ATRNL1: variants seen among roughly 807,000 people sequenced by gnomAD.
The protein encoded by ATRNL1 is attractin like 1.
Under a neutral mutation model 182.7 loss-of-function variants are expected in ATRNL1, and 95 were observed. That is an observed-to-expected ratio of 0.52 (90% CI 0.44 to 0.62). ATRNL1 has a LOEUF of 0.62. Among genes scored for constraint, ATRNL1 ranks in the 20% least tolerant of loss-of-function variants. ATRNL1 has a pLI of 0.00. For synonymous variants in ATRNL1, 576 were observed against 568.3 expected, an observed-to-expected ratio of 1.01 and a Z score of -0.19; for missense variants, 1,471 against 1,679.5, an observed-to-expected ratio of 0.88 and a Z score of 2.17.
intron 15 of ATRNL1, among the ~76,000 whole-genome samples, chr10:115,288,393 T>A (rs1169625424): frequency 1.3e-5 from 2 of 152,196 alleles, no homozygotes; most frequent in Non-Finnish European, 2.9e-5. Context: ...CAGTATTTTT[T>A]GACTTTTTGA....
chr10:115,309,903 G>A (rs1424494170), intron 17 of ATRNL1, among the ~76,000 whole-genome samples: 3 of 152,148 alleles, frequency 2.0e-5, no homozygotes, highest in Non-Finnish European at 2.9e-5. Flanking sequence ...TAGAAGTGAC[G>A]AAAGTGGGCC....
At chr10:115,203,898 A>C (rs1848699659) in intron 8 of ATRNL1, among the ~76,000 whole-genome samples, 1 of 151,692 alleles carries the variant, frequency 6.6e-6, no homozygotes, top group Non-Finnish European at 1.5e-5. Flanking sequence ...CACCTGGCCT[A>C]GATTGGGTCA....
intron 19 of ATRNL1, among the ~76,000 whole-genome samples, chr10:115,367,604 A>G (rs1244862620): frequency 6.6e-6 from 1 of 151,638 alleles, no homozygotes; most frequent in Non-Finnish European, 1.5e-5. Context: ...TCTGCCTTTT[A>G]GAGTTTCCAG....
intron 27 of ATRNL1, among the ~76,000 whole-genome samples, chr10:115,792,422 A>T (rs1555081960): frequency 6.6e-6 from 1 of 152,090 alleles, no homozygotes; most frequent in African/African-American, 2.4e-5. Flanking sequence ...GAATTCTTAG[A>T]TTGGGCAATC....
At chr10:115,820,503 CTT>C (rs1950267286) in intron 27 of ATRNL1, 1 of 152,090 alleles carries the variant, frequency 6.6e-6, no homozygotes, top group African/African-American at 2.4e-5. Flanking sequence ...TATGTCAAGA[CTT>C]TGGATATTCG....
intron 17 of ATRNL1, among the ~76,000 whole-genome samples, chr10:115,306,222 T>A (rs980226668): frequency 2.6e-5 from 4 of 152,184 alleles, no homozygotes; most frequent in Admixed American, 2.6e-4. Context: ...TTCTTTCAAA[T>A]AAATTGTGAC....
chr10:115,419,048 C>T (rs782431689), intron 20 of ATRNL1, among the ~76,000 whole-genome samples: 10 of 151,742 alleles, frequency 6.6e-5, no homozygotes, highest in Admixed American at 1.3e-4. Context: ...AAAGAATGAA[C>T]GACAAAACTA....
chr10:115,094,489 C>A (rs2084963287), intron 1 of ATRNL1, among the ~76,000 whole-genome samples: 1 of 152,218 alleles, frequency 6.6e-6, no homozygotes, highest in Non-Finnish European at 1.5e-5. Context: ...GTGCCTCTCT[C>A]TTTCCCCATT....
chr10:115,149,623 G>T (rs1327471709), intron 5 of ATRNL1, among the ~76,000 whole-genome samples: 1 of 152,048 alleles, frequency 6.6e-6, no homozygotes, highest in South Asian at 2.1e-4. Flanking sequence ...TCATGTTGCT[G>T]ATATGATAGA....
chr10:115,799,395 G>A (rs531807970), intron 27 of ATRNL1, among the ~76,000 whole-genome samples: 7 of 152,170 alleles, frequency 4.6e-5, no homozygotes, highest in Non-Finnish European at 1.0e-4. Context: ...AGGGAACATA[G>A]AGGCCTCTCC....
At chr10:115,914,977 G>T (rs1453769226) in intron 28 of ATRNL1, among the ~76,000 whole-genome samples, 2 of 152,124 alleles carry the variant, frequency 1.3e-5, no homozygotes, top group Non-Finnish European at 2.9e-5. Flanking sequence ...TACAATATAT[G>T]GTTAGTAAGT....
intron 13 of ATRNL1, among the ~76,000 whole-genome samples, chr10:115,270,089 T>C (rs1160768638): frequency 6.6e-6 from 1 of 151,464 alleles, no homozygotes; most frequent in Admixed American, 6.6e-5. Flanking sequence ...TTTGAAGATA[T>C]CCACTGATAT....
At chr10:115,841,345 G>C (rs1464583483) in intron 27 of ATRNL1, among the ~76,000 whole-genome samples, 5 of 152,062 alleles carry the variant, frequency 3.3e-5, no homozygotes, top group Non-Finnish European at 7.4e-5. Flanking sequence ...AATCTAGATA[G>C]TATACTATAA....
At chr10:115,900,595 C>T (rs1203552096) in intron 28 of ATRNL1, among the ~76,000 whole-genome samples, 4 of 151,628 alleles carry the variant, frequency 2.6e-5, no homozygotes, top group Admixed American at 6.5e-5. Context: ...ACAACAACCC[C>T]ATGAGACAAG....
chr10:115,537,280 A>G (rs1376538709), intron 25 of ATRNL1, among the ~76,000 whole-genome samples: 3 of 152,224 alleles, frequency 2.0e-5, no homozygotes, highest in East Asian at 1.9e-4. Flanking sequence ...GACTTCTCCA[A>G]GAGTCATATC....
At chr10:115,155,381 T>C (rs1554881800) in intron 5 of ATRNL1, among the ~76,000 whole-genome samples, 1 of 152,148 alleles carries the variant, frequency 6.6e-6, no homozygotes, top group East Asian at 1.9e-4. Context: ...GTCTTAATAA[T>C]AACAAAGTTA....
chr10:115,683,128 A>G (rs1230643116), intron 26 of ATRNL1, among the ~76,000 whole-genome samples: 1 of 152,036 alleles, frequency 6.6e-6, no homozygotes, highest in East Asian at 1.9e-4. Flanking sequence ...TTAATTTAAT[A>G]TATGTTTATA....
intron 18 of ATRNL1, among the ~76,000 whole-genome samples, chr10:115,334,005 G>T (rs1197848488): frequency 6.6e-6 from 1 of 152,106 alleles, no homozygotes; most frequent in Non-Finnish European, 1.5e-5. Context: ...TTATGCTAAA[G>T]ATTATTCCCT....
At position 115,823,900 on chromosome 10, in the gene ATRNL1, C is replaced by A. The variant is rs151331615; in HGVS notation, c.3904-23977C>A. On this transcript the variant is annotated intron_variant, in intron 27 of 28. Coordinates refer to ENST00000355044, the MANE Select transcript of ATRNL1 (RefSeq NM_207303.4). Reference sequence around the variant, plus strand: ...GCCATCCCCATCAAGTTGCCATTGACTTTCTTCACAGAATTAGAAAAAGCT... The same window carrying A: ...GCCATCCCCATCAAGTTGCCATTGAATTTCTTCACAGAATTAGAAAAAGCT... Among the ~76,000 whole-genome samples, 734 of 152,268 alleles carry A rather than the reference C, an allele frequency of 4.8e-3. 10 individuals carry two copies. The highest frequency in any genetic ancestry group is 0.017 in the African/African-American group (700 of 41,546).
Sources: allele counts gnomAD v4.1 joint callset (sites outside exome capture counted in the v4.1 genomes callset), GRCh38; gene constraint gnomAD v4.1.1; transcripts MANE v1.5; gene names NCBI Gene and HGNC (gene_info 2026-07-23, HGNC 2026-07-21).